Variants in FLT1 observed in about 807,000 individuals in gnomAD.
FLT1 encodes the protein vascular endothelial growth factor receptor 1.
FLT1 carries 49 observed loss-of-function variants against 156.3 expected under a neutral mutation model. That is an observed-to-expected ratio of 0.31 (90% CI 0.25 to 0.40). The LOEUF is 0.40. FLT1 is among the 10% of genes least tolerant of loss of function. The probability of loss-of-function intolerance (pLI) is 1.00; values close to 1 mark genes in which losing one functional copy is unlikely to be tolerated. For missense variants in FLT1, 1,322 were observed against 1,637.2 expected, an observed-to-expected ratio of 0.81 and a Z score of 3.32; for synonymous variants, 594 against 583.8, an observed-to-expected ratio of 1.02 and a Z score of -0.25.
intron 15 of FLT1, among the ~76,000 whole-genome samples, chr13:28,351,061 A>AT (rs1352417912): frequency 3.4e-5 from 5 of 148,686 alleles, no homozygotes; most frequent in African/African-American, 7.5e-5. Context: ...GTGCAGAGTA[A>AT]TTTTTTTTCA....
Position 28,446,077 on chromosome 13 carries a change from CAGA to C in FLT1, c.389-7735_389-7733del, listed in dbSNP as rs530919505. ...AACCCACATGACTATCTTAAAATGG[CAGA>C]AGAAGGATTTGACAAAAATCCAAGC... On this transcript the variant is annotated intron_variant, in intron 3 of 29. Transcript: ENST00000282397. Among the ~76,000 whole-genome samples, 46 of 152,182 alleles carry C rather than the reference CAGA, an allele frequency of 3.0e-4. 1 individual carries two copies. In the South Asian group the frequency reaches 9.3e-3, roughly 31 times the overall value.
At chr13:28,486,468 T>C (rs1025428195) in intron 1 of FLT1, among the ~76,000 whole-genome samples, 3 of 152,256 alleles carry the variant, frequency 2.0e-5, no homozygotes, top group African/African-American at 7.2e-5. Context: ...GCAGTCATAC[T>C]GGAGGAAACC....
At chr13:28,381,328 G>C (rs933318061) in intron 14 of FLT1, among the ~76,000 whole-genome samples, 1 of 152,142 alleles carries the variant, frequency 6.6e-6, no homozygotes, top group Non-Finnish European at 1.5e-5. Flanking sequence ...AGGTCAAGGT[G>C]GGTGGATCAC....
chr13:28,385,787 A>T, intron 13 of FLT1: 1 of 1,033,312 alleles, frequency 9.7e-7, no homozygotes, highest in Non-Finnish European at 1.2e-6. Flanking sequence ...CAATACATTA[A>T]GATGCAATAC....
chr13:28,306,487 G>T (rs1460078551), intron 29 of FLT1, among the ~76,000 whole-genome samples, 191 bp downstream of exon 29: 1 of 152,228 alleles, frequency 6.6e-6, no homozygotes, highest in Non-Finnish European at 1.5e-5. Flanking sequence ...CCCAGAGCTT[G>T]CTGCTCATAT....
chr13:28,327,567 A>ACATGCT lies in FLT1; in HGVS notation c.2708-23_2708-18dup. ...TCAGAGGCCCTGCAGCCAAAACAGC[A>ACATGCT]CATGCTCATGCTCAGCCACACCAAG... On this transcript the variant is annotated splice_polypyrimidine_tract_variant and intron_variant, in intron 19 of 29. Coordinates refer to ENST00000282397, the MANE Select transcript of FLT1 (RefSeq NM_002019.4). 1 of 1,559,234 alleles carries ACATGCT rather than the reference A, an allele frequency of 6.4e-7. No homozygotes were observed.
intron 1 of FLT1, among the ~76,000 whole-genome samples, chr13:28,492,568 C>G (rs1240641277): frequency 1.3e-5 from 2 of 152,134 alleles, no homozygotes; most frequent in South Asian, 4.1e-4. Flanking sequence ...CATGTGCACA[C>G]CAGGCATGCA....
Position 28,388,214 on chromosome 13 carries a change from T to C in FLT1, c.1969+1582A>G. On this transcript the variant is annotated intron_variant, in intron 13 of 29. Coordinates refer to ENST00000282397, the MANE Select transcript of FLT1 (RefSeq NM_002019.4). ...TGACAACTTCCAGGTTACTAATTGT[T>C]TTCAGAGCATTTGGGGCTCCATAAA... The C allele has an allele frequency of 2.8e-6, 3 of 1,057,270 alleles. No homozygotes were observed. In the South Asian group the frequency reaches 1.4e-4, roughly 48 times the overall value. 65.5% of individuals were successfully genotyped at this position (1,057,270 alleles called of 1,614,324 possible).
In FLT1 at chr13:28,473,132, AACCCTCTT is replaced by A. The variant is rs577208980; in HGVS notation, c.65-5523_65-5516del. On this transcript the variant is annotated intron_variant, in intron 1 of 29. Transcript: ENST00000282397. ...GTTGGTGAGAATGTGGAGAAACTGG[AACCCTCTT>A]ACATCGCAGGTAGGACTTTTAAACG... is the stretch of plus-strand genomic sequence containing the variant. Among the ~76,000 whole-genome samples the A allele has an allele frequency of 9.1e-3, 1,385 of 152,314 alleles. 22 individuals are homozygous for A. The highest frequency in any genetic ancestry group is 0.031 in the African/African-American group (1,288 of 41,548).
At chr13:28,409,106 T>A (rs1164327412) in intron 10 of FLT1, among the ~76,000 whole-genome samples, 2 of 152,230 alleles carry the variant, frequency 1.3e-5, no homozygotes, top group Non-Finnish European at 2.9e-5. Context: ...GAACTCCCCA[T>A]CTGGTCTAAG....
At chr13:28,482,850 G>A (rs1350865064) in intron 1 of FLT1, among the ~76,000 whole-genome samples, 1 of 152,238 alleles carries the variant, frequency 6.6e-6, no homozygotes, top group East Asian at 1.9e-4. Context: ...TGCCTTCTAA[G>A]TGACTTTGCG....
chr13:28,385,963 A>T (rs188992197), intron 13 of FLT1: 184 of 1,050,692 alleles, frequency 1.8e-4, no homozygotes, highest in Non-Finnish European at 1.6e-4. Context: ...AAATAAAAAC[A>T]ACTCCTAATG....
chr13:28,419,902 C>T (rs540116065), intron 10 of FLT1, among the ~76,000 whole-genome samples: 11 of 152,208 alleles, frequency 7.2e-5, no homozygotes, highest in Admixed American at 1.3e-4. Context: ...AAAAACATCC[C>T]GCATAGATTT....
intron 1 of FLT1, among the ~76,000 whole-genome samples, chr13:28,480,815 A>G (rs531344775): frequency 6.6e-6 from 1 of 152,282 alleles, no homozygotes; most frequent in Non-Finnish European, 1.5e-5. Context: ...ACTAGGAAAA[A>G]AGCCACAAGT....
intron 24 of FLT1, among the ~76,000 whole-genome samples, chr13:28,317,988 C>T (rs1282422400): frequency 1.3e-5 from 2 of 152,014 alleles, no homozygotes; most frequent in African/African-American, 2.4e-5. Context: ...AGAGACGGGT[C>T]TCCCTCTGTC....
intron 1 of FLT1, among the ~76,000 whole-genome samples, chr13:28,482,662 C>A (rs1593845553): frequency 6.6e-6 from 1 of 152,072 alleles, no homozygotes; most frequent in Non-Finnish European, 1.5e-5. Context: ...GACTATAAAG[C>A]GCATTTAAGA....
At chr13:28,456,923 G>A (rs58518391) in intron 3 of FLT1, among the ~76,000 whole-genome samples, 17,861 of 152,124 alleles carry the variant, frequency 0.12, 1,332 homozygotes, top group Admixed American at 0.2. Flanking sequence ...CTATAATAGT[G>A]GATACATGTC....
At chr13:28,393,815 G>A (rs879382817) in intron 12 of FLT1, among the ~76,000 whole-genome samples, 9 of 152,052 alleles carry the variant, frequency 5.9e-5, no homozygotes, top group Non-Finnish European at 1.0e-4. Flanking sequence ...TCAAACTCTT[G>A]TGCTCAAGCA....
intron 15 of FLT1, among the ~76,000 whole-genome samples, chr13:28,351,798 G>A (rs1258932277): frequency 2.0e-5 from 3 of 152,168 alleles, no homozygotes; most frequent in African/African-American, 7.2e-5. Context: ...CACCTTTTAG[G>A]TGACCCACTG....
Sources: allele counts gnomAD v4.1 joint callset (sites outside exome capture counted in the v4.1 genomes callset), GRCh38; gene constraint gnomAD v4.1.1; transcripts MANE v1.5; gene names NCBI Gene and HGNC (gene_info 2026-07-23, HGNC 2026-07-21).